Variants in TMEM268 observed in about 807,000 individuals in gnomAD.
The protein encoded by TMEM268 is transmembrane protein 268, also known as transmembrane protein C9orf91.
Under a neutral mutation model 39.1 loss-of-function variants are expected in TMEM268, and 24 were observed. The observed-to-expected ratio is 0.61, with a 90% CI of 0.44 to 0.86. TMEM268 has a LOEUF of 0.86. TMEM268 is among the 40% of genes least tolerant of loss of function. TMEM268 has a pLI of 0.00. For synonymous variants in TMEM268, 176 were observed against 173.5 expected (o/e 1.01, Z -0.12); for missense variants, 409 against 428.6 (o/e 0.95, Z 0.40).
rs1317082442 is a variant in TMEM268 at position 114,638,676 on chromosome 9, C to T, written c.799C>T (p.Pro267Ser). 1.9e-6 allele frequency: 3 copies of T among 1,606,246 alleles called. No homozygotes were observed. The highest frequency in any genetic ancestry group is 2.5e-6 in the Non-Finnish European group (3 of 1,176,632). Residue 267 changes from proline to serine, a missense_variant, in exon 8 of 9, where the codon CCA (proline) becomes TCA (serine). Transcript: ENST00000288502. ...LPGNSCPNER[P>S]LMQTELHQLV... ...CGGCAATTCTTGTCCTAACGAGAGG[C>T]CACTCATGCAGACTGAGCTTCATCA...
At chr9:114,629,486 T>C (rs1459830543) in intron 5 of TMEM268, among the ~76,000 whole-genome samples, 2 of 152,258 alleles carry the variant, frequency 1.3e-5, no homozygotes, top group African/African-American at 2.4e-5. Flanking sequence ...TGTGATTACA[T>C]TGGGCCAGCT....
chr9:114,611,934 C>G (rs1040563604), intron 1 of TMEM268, among the ~76,000 whole-genome samples: 1 of 152,330 alleles, frequency 6.6e-6, no homozygotes, highest in Admixed American at 6.5e-5. Flanking sequence ...CGAGACAGCT[C>G]CAGCTGGCGT....
Position 114,645,293 on chromosome 9 carries a change from C to T in TMEM268, c.*1980C>T. On this transcript the variant is annotated 3_prime_UTR_variant, in exon 9 of 9. Coordinates refer to ENST00000288502, the MANE Select transcript of TMEM268 (RefSeq NM_153045.4). ...TACCTAGCAGACCTGGATTTTTCTT[C>T]CTGATCTGCTGCTTCCAAGTTGTGT... is the stretch of plus-strand genomic sequence containing the variant. 6.6e-6 allele frequency: 1 copy of T among 152,358 alleles called. No homozygotes were observed. The highest frequency in any genetic ancestry group is 6.5e-5 in the Admixed American group (1 of 15,278). The allele number at this position is 152,358 out of a possible 1,614,324, so 9.4% of individuals were successfully genotyped here. A position where few individuals can be genotyped will look rare whatever the true frequency, so the allele number is the denominator to read the frequency against.
chr9:114,633,976 G>A (rs1846519070), intron 6 of TMEM268, 98 bp downstream of exon 6: 2 of 618,548 alleles, frequency 3.2e-6, no homozygotes, highest in East Asian at 6.1e-5. Flanking sequence ...CACAGTGTTT[G>A]CAGTAGTCTG....
intron 2 of TMEM268, among the ~76,000 whole-genome samples, chr9:114,623,667 A>G (rs1288180825): frequency 1.3e-5 from 2 of 152,098 alleles, no homozygotes; most frequent in African/African-American, 4.8e-5. Context: ...CCTTTCATCC[A>G]TAGTCAAATC....
At chr9:114,642,361 CTT>C (rs34754547) in intron 8 of TMEM268, among the ~76,000 whole-genome samples, 2 of 150,908 alleles carry the variant, frequency 1.3e-5, no homozygotes, top group Non-Finnish European at 3.0e-5. Flanking sequence ...GTTTTTCTTT[CTT>C]TTTTTTTACT....
At chr9:114,628,021 T>C (rs1156479426) in intron 4 of TMEM268, 80 bp from the exon 5 acceptor site, 3 of 1,517,242 alleles carry the variant, frequency 2.0e-6, no homozygotes, top group South Asian at 1.2e-5. Context: ...CAGTAGTGTC[T>C]GAAAGGTGTC....
At chr9:114,618,669 A>T (rs1845829360) in intron 2 of TMEM268, among the ~76,000 whole-genome samples, 1 of 152,156 alleles carries the variant, frequency 6.6e-6, no homozygotes, top group South Asian at 2.1e-4. Context: ...TCTCAAAAAA[A>T]AAAAGAAAGA....
At chr9:114,615,948 T>A (rs1323130982) in intron 1 of TMEM268, among the ~76,000 whole-genome samples, 1 of 151,606 alleles carries the variant, frequency 6.6e-6, no homozygotes, top group African/African-American at 2.4e-5. Context: ...CACTTTGGCC[T>A]CCCAAAGTGC....
At chr9:114,627,343 C>T (rs1376618371) in intron 4 of TMEM268, among the ~76,000 whole-genome samples, 1 of 152,254 alleles carries the variant, frequency 6.6e-6, no homozygotes, top group East Asian at 1.9e-4. Flanking sequence ...TCCCCATCTG[C>T]TCAACAGATG....
intron 6 of TMEM268, among the ~76,000 whole-genome samples, chr9:114,635,827 G>A (rs1846612353): frequency 6.6e-6 from 1 of 152,214 alleles, no homozygotes; most frequent in South Asian, 2.1e-4. Context: ...GACGGGTACC[G>A]AGTGAGGATG....
At chr9:114,610,944 A>T (rs1023085244), upstream of TMEM268, among the ~76,000 whole-genome samples, 1 of 152,182 alleles carries the variant, frequency 6.6e-6, no homozygotes, top group Non-Finnish European at 1.5e-5. Context: ...GTCCCCGGCC[A>T]GGTGCGGTGG....
rs367949099 is a variant in TMEM268 at position 114,643,228 on chromosome 9, C to T, written c.944C>T (p.Thr315Met). The change falls in exon 9 of 9, where the codon ACG becomes ATG. Residue 315 changes from threonine to methionine, a missense_variant. Transcript: ENST00000288502. ...QLPQAMGTRH[T>M]NSPRIPCPCQ... is the part of the protein sequence containing the mutation. ...CCTCAGGCAATGGGGACACGACACA[C>T]GAACTCTCCGAGAATTCCATGCCCC... 51 of 1,614,162 alleles carry T rather than the reference C, an allele frequency of 3.2e-5. No individual in the cohort carries two copies. The highest frequency in any genetic ancestry group is 6.7e-5 in the African/African-American group (5 of 75,046).
chr9:114,617,314 C>G lies in TMEM268; in HGVS notation c.106+13C>G. 1 of 1,593,316 alleles carries G rather than the reference C, an allele frequency of 6.3e-7. No homozygotes were observed. The highest frequency in any genetic ancestry group is 8.6e-7 in the Non-Finnish European group (1 of 1,162,482). ...GGCTGGGGGCAAGGTAAGATCATGACCTTTCATTTTCCACCTTCTTTCTAC... is the reference window on the plus strand; with the variant it reads ...GGCTGGGGGCAAGGTAAGATCATGAGCTTTCATTTTCCACCTTCTTTCTAC... On this transcript the variant is annotated intron_variant, in intron 2 of 8. Coordinates refer to ENST00000288502, the MANE Select transcript of TMEM268 (RefSeq NM_153045.4).
At chr9:114,640,772 T>C (rs758876521) in intron 8 of TMEM268, among the ~76,000 whole-genome samples, 10 of 152,228 alleles carry the variant, frequency 6.6e-5, no homozygotes, top group African/African-American at 1.9e-4. Context: ...TTATGAACCA[T>C]GTGGGGTTTC....
At chr9:114,642,125 A>G (rs1160139859) in intron 8 of TMEM268, among the ~76,000 whole-genome samples, 1 of 152,106 alleles carries the variant, frequency 6.6e-6, no homozygotes, top group Non-Finnish European at 1.5e-5. Flanking sequence ...ACCATCAGCC[A>G]TCTGCAGAAT....
At position 114,643,597 on chromosome 9, in the gene TMEM268, G is replaced by A. The variant is rs533785115; in HGVS notation, c.*284G>A. On this transcript the variant is annotated 3_prime_UTR_variant, in exon 9 of 9. Transcript: ENST00000288502. ...CTCTGCTGCTTAGAACTGTGGACAC[G>A]TATGGAAAGACTGGACCCCCATTGC... The A allele has an allele frequency of 2.8e-5, 9 of 320,528 alleles. 1 individual carries two copies. Among genetic ancestry groups the A allele is most frequent in the African/African-American group, 1.3e-4 (6 of 47,568 alleles). 19.9% of individuals were successfully genotyped at this position (320,528 alleles called of 1,614,324 possible). A position where few individuals can be genotyped will look rare whatever the true frequency, so the allele number is the denominator to read the frequency against.
At chr9:114,621,186 A>T (rs978602973) in intron 2 of TMEM268, among the ~76,000 whole-genome samples, 9 of 150,056 alleles carry the variant, frequency 6.0e-5, no homozygotes, top group Admixed American at 3.3e-4. Flanking sequence ...ATAAAAAATT[A>T]AAAAAAAAAT....
intron 1 of TMEM268, among the ~76,000 whole-genome samples, chr9:114,611,880 G>C (rs1258626128): frequency 6.6e-6 from 1 of 152,232 alleles, no homozygotes; most frequent in East Asian, 1.9e-4. Flanking sequence ...GGCGGAGACT[G>C]AGACTGGGAC....
Sources: allele counts gnomAD v4.1 joint callset (sites outside exome capture counted in the v4.1 genomes callset), GRCh38; gene constraint gnomAD v4.1.1; transcripts MANE v1.5; gene names NCBI Gene and HGNC (gene_info 2026-07-23, HGNC 2026-07-21).